The following OSBPL10 variants were observed in gnomAD, a reference collection of about 807,000 sequenced individuals.
OSBPL10 encodes oxysterol-binding protein-related protein 10.
Under a neutral mutation model 81.7 loss-of-function variants are expected in OSBPL10, and 49 were observed. The observed-to-expected ratio is 0.60, with a 90% confidence interval of 0.48 to 0.76. The LOEUF (loss-of-function observed/expected upper bound fraction) is 0.76, where lower values mean the gene tolerates loss of function less well. Ranked by LOEUF, OSBPL10 falls within the 30% of genes least tolerant of loss-of-function variation. The pLI is 0.00. For synonymous variants in OSBPL10, 419 were observed against 383.6 expected, an observed-to-expected ratio of 1.09 and a Z score of -1.08; for missense variants, 923 against 987.8, an observed-to-expected ratio of 0.93 and a Z score of 0.88.
At position 31,822,027 on chromosome 3, in the gene OSBPL10, C is replaced by T. The variant is rs557229874; in HGVS notation, c.729+8013G>A. 4.6e-5 allele frequency: 7 copies of T among 152,280 alleles called. No homozygotes were observed. The East Asian group carries it at 5.8e-4, about 13-fold the overall frequency. The allele number at this position is 152,280 out of a possible 1,614,324, so 9.4% of individuals were successfully genotyped here. On this transcript the variant is annotated intron_variant, in intron 4 of 11. Transcript: ENST00000396556. ...ATGGGAACTTCATTAAAGGGTCTTC[C>T]GTATGTGTGTGTAGTAAGTAAATAT...
rs372047926 is a variant in OSBPL10 at position 31,741,965 on chromosome 3, C to G, written c.940+5945G>C. ...CTGGCCTTCTGCCATAATTGTGAGC[C>G]CTCCTCAGCCATGTGGAACTGTAAG... is the stretch of plus-strand genomic sequence containing the variant. On this transcript the variant is annotated intron_variant, in intron 5 of 11. Transcript: ENST00000396556. Among the ~76,000 whole-genome samples, 55 of 152,352 alleles carry G rather than the reference C, an allele frequency of 3.6e-4. 1 individual carries two copies. The South Asian group carries it at 8.3e-3, about 23-fold the overall frequency.
At chr3:31,873,414 AGT>A (rs1247707021) in intron 3 of OSBPL10, among the ~76,000 whole-genome samples, 2 of 152,166 alleles carry the variant, frequency 1.3e-5, no homozygotes, top group African/African-American at 4.8e-5. Flanking sequence ...TTCATCAGGT[AGT>A]GACTAAGGCA....
At chr3:31,921,279 A>T (rs4532171) in intron 1 of OSBPL10, among the ~76,000 whole-genome samples, 2 of 152,092 alleles carry the variant, frequency 1.3e-5, no homozygotes, top group East Asian at 3.9e-4. Context: ...AAAAATGATA[A>T]CCCCATGGCA....
At chr3:31,857,546 G>C (rs1014727939) in intron 3 of OSBPL10, among the ~76,000 whole-genome samples, 24 of 151,704 alleles carry the variant, frequency 1.6e-4, no homozygotes, top group African/African-American at 5.6e-4. Flanking sequence ...CTCAGCAAAA[G>C]AGCCTCGGCT....
chr3:31,790,807 A>G (rs147233993), intron 4 of OSBPL10, among the ~76,000 whole-genome samples: 32 of 152,362 alleles, frequency 2.1e-4, no homozygotes, highest in African/African-American at 7.5e-4. Flanking sequence ...TTGCCTGGAT[A>G]AGAGGTTAAC....
At chr3:31,834,836 C>T (rs1700328233) in intron 3 of OSBPL10, among the ~76,000 whole-genome samples, 1 of 152,138 alleles carries the variant, frequency 6.6e-6, no homozygotes, top group Non-Finnish European at 1.5e-5. Context: ...AAGAGCACAC[C>T]TTCTCAAGTC....
chr3:31,858,124 G>A (rs1700973284), intron 3 of OSBPL10, among the ~76,000 whole-genome samples: 1 of 151,380 alleles, frequency 6.6e-6, no homozygotes, highest in Non-Finnish European at 1.5e-5. Flanking sequence ...AGCCTCCCGA[G>A]TATCTAGCTG....
chr3:31,914,646 G>T (rs1007313614), intron 1 of OSBPL10, among the ~76,000 whole-genome samples: 1 of 152,124 alleles, frequency 6.6e-6, no homozygotes, highest in African/African-American at 2.4e-5. Context: ...CCTAGTTACC[G>T]CAAATGAGGT....
chr3:31,697,929 A>C (rs1695777256), intron 7 of OSBPL10, among the ~76,000 whole-genome samples: 1 of 151,716 alleles, frequency 6.6e-6, no homozygotes, highest in African/African-American at 2.4e-5. Context: ...CGCCCAGCTA[A>C]TTTTTTGTAT....
chr3:31,697,855 C>T (rs561020091), intron 7 of OSBPL10, among the ~76,000 whole-genome samples: 5 of 152,084 alleles, frequency 3.3e-5, no homozygotes, highest in South Asian at 4.1e-4. Flanking sequence ...CTCCGCCTCC[C>T]GAGTTCAAGC....
At chr3:31,675,902 C>T (rs910577676) in intron 8 of OSBPL10, among the ~76,000 whole-genome samples, 13 of 147,188 alleles carry the variant, frequency 8.8e-5, no homozygotes, top group African/African-American at 1.3e-4. Flanking sequence ...GCCGAGATTG[C>T]GCCACTGCAC....
intron 8 of OSBPL10, among the ~76,000 whole-genome samples, chr3:31,681,089 C>A (rs923748113): frequency 3.3e-5 from 5 of 152,196 alleles, no homozygotes; most frequent in African/African-American, 1.2e-4. Flanking sequence ...AAGGCCTAAA[C>A]TGGGTGACCC....
intron 1 of OSBPL10, among the ~76,000 whole-genome samples, chr3:31,949,547 AG>A (rs1435121349): frequency 6.6e-6 from 1 of 151,806 alleles, no homozygotes; most frequent in Non-Finnish European, 1.5e-5. Context: ...AGGCACCTGT[AG>A]TCCCAGCTAC....
chr3:31,972,136 C>T (rs958103097), intron 1 of OSBPL10, among the ~76,000 whole-genome samples: 14 of 152,232 alleles, frequency 9.2e-5, no homozygotes, highest in African/African-American at 2.2e-4. Context: ...CGCCTGTAAT[C>T]CCAGCACTTC....
chr3:31,743,475 G>A lies in OSBPL10; in HGVS notation c.940+4435C>T, dbSNP rs111666656. Reference sequence around the variant, plus strand: ...CCAAATGTATAGATGGGAGGCAGATGAATACTGAAGTATTCTCAGATTTCA... The same window carrying A: ...CCAAATGTATAGATGGGAGGCAGATAAATACTGAAGTATTCTCAGATTTCA... On this transcript the variant is annotated intron_variant, in intron 5 of 11. Transcript: ENST00000396556. 8.4e-3 allele frequency among the ~76,000 whole-genome samples: 1,277 copies of A among 152,348 alleles called. 9 individuals are homozygous for A. The highest frequency in any genetic ancestry group is 0.013 in the Non-Finnish European group (908 of 68,040).
At chr3:31,828,614 C>T (rs1357062033) in intron 4 of OSBPL10, among the ~76,000 whole-genome samples, 1 of 152,196 alleles carries the variant, frequency 6.6e-6, no homozygotes, top group Non-Finnish European at 1.5e-5. Context: ...CTCAATGCAG[C>T]CTCCCGCTCC....
chr3:31,832,211 AAAAC>A (rs1700262841), intron 3 of OSBPL10, among the ~76,000 whole-genome samples: 1 of 152,244 alleles, frequency 6.6e-6, no homozygotes, highest in Non-Finnish European at 1.5e-5. Context: ...TTATTTGTTT[AAAAC>A]AAACATACTG....
At chr3:31,879,864 C>T (rs956270334) in intron 1 of OSBPL10, 34 bp from the exon 2 acceptor site, 1 of 1,599,158 alleles carries the variant, frequency 6.3e-7, no homozygotes, top group African/African-American at 1.3e-5. Flanking sequence ...TCATTTTTCT[C>T]TCCTACCCTA....
At chr3:32,044,395 T>A (rs1190871084) in intron 2 of OSBPL10, among the ~76,000 whole-genome samples, 1 of 148,404 alleles carries the variant, frequency 6.7e-6, no homozygotes, top group South Asian at 2.1e-4. Flanking sequence ...ATAATAATAA[T>A]ATATAACATA....
Sources: gnomAD v4.1 joint callset for allele counts (sites outside exome capture counted in the v4.1 genomes callset) on GRCh38, gnomAD v4.1.1 for gene constraint, MANE v1.5 for transcripts, NCBI Gene and HGNC (gene_info 2026-07-23, HGNC 2026-07-21) for gene names.